The following LONRF1 variants were observed in gnomAD, a reference collection of about 807,000 sequenced individuals.
The protein encoded by LONRF1 is LON peptidase N-terminal domain and ring finger 1, also known as LON peptidase N-terminal domain and RING finger protein 1.
LONRF1 carries 37 observed loss-of-function variants against 85.8 expected under a neutral mutation model. The observed-to-expected ratio is 0.43, with a 90% CI of 0.33 to 0.57. LONRF1 has a LOEUF of 0.57. Among genes scored for constraint, LONRF1 ranks in the 20% least tolerant of loss-of-function variants. The pLI is 0.04. For synonymous variants in LONRF1, 517 were observed against 390.1 expected (o/e 1.33, Z -3.83); for missense variants, 1,036 against 978.0 (o/e 1.06, Z -0.79).
chr8:12,736,187 A>G (rs1396921983), intron 6 of LONRF1, among the ~76,000 whole-genome samples: 5 of 152,168 alleles, frequency 3.3e-5, no homozygotes, highest in African/African-American at 1.2e-4. Flanking sequence ...TACACAATTC[A>G]TGTAAATGAG....
chr8:12,751,296 G>GTTTTTTTTTTTTTTTTTTTTTTTTTTTTT (rs869038024), intron 1 of LONRF1, among the ~76,000 whole-genome samples: 3 of 69,556 alleles, frequency 4.3e-5, no homozygotes, highest in Non-Finnish European at 8.5e-5. Flanking sequence ...TTATTTTTAT[G>GTTTTTTTTTTTTTTTTTTTTTTTTTTTTT]TTTTTTTTTT....
intron 1 of LONRF1, among the ~76,000 whole-genome samples, chr8:12,744,787 C>CTT (rs1240321367): frequency 6.6e-6 from 1 of 152,194 alleles, no homozygotes; most frequent in African/African-American, 2.4e-5. Flanking sequence ...AGCTGGGGTG[C>CTT]TTCCAATAGC....
Position 12,751,304 on chromosome 8 carries a change from T to TTGTTTG in LONRF1, c.721+3395_721+3396insCAAACA, listed in dbSNP as rs1554469323. 8.3e-4 allele frequency among the ~76,000 whole-genome samples: 101 copies of TTGTTTG among 122,080 alleles called. 5 individuals are homozygous for TTGTTTG. The highest frequency in any genetic ancestry group is 4.9e-3 in the East Asian group (20 of 4,064). The allele number at this position is 122,080 out of a possible 152,430, so 80.1% of individuals were successfully genotyped here. On this transcript the variant is annotated intron_variant, in intron 1 of 11. Transcript: ENST00000398246. ...TATATTTTTATTTTTATGTTTTTTTTTTTTTTTTTTTTTTTTGAGACTGAG... is the reference window on the plus strand; with the variant it reads ...TATATTTTTATTTTTATGTTTTTTTTTGTTTGTTTTTTTTTTTTTTTTGAGACTGAG...
chr8:12,734,442 G>C (rs1218614820), intron 7 of LONRF1, among the ~76,000 whole-genome samples: 1 of 152,040 alleles, frequency 6.6e-6, no homozygotes, highest in African/African-American at 2.4e-5. Flanking sequence ...TCAATCACCA[G>C]AGACAGAATC....
chr8:12,750,190 G>T (rs1486503921), intron 1 of LONRF1, among the ~76,000 whole-genome samples: 1 of 152,182 alleles, frequency 6.6e-6, no homozygotes, highest in East Asian at 1.9e-4. Context: ...TCTCACATGA[G>T]TTTGTGTATG....
chr8:12,738,424 G>C (rs895621095), intron 3 of LONRF1, among the ~76,000 whole-genome samples: 3 of 152,070 alleles, frequency 2.0e-5, no homozygotes, highest in Non-Finnish European at 2.9e-5. Flanking sequence ...TCAACACAAA[G>C]ACTATAAAAA....
chr8:12,754,410 C>G (rs567173395), intron 1 of LONRF1: 2 of 278,352 alleles, frequency 7.2e-6, no homozygotes, highest in African/African-American at 4.4e-5. Context: ...CACTCCGCGC[C>G]GGGAGCGCGC....
chr8:12,751,304 T>TTTTGTTTG (rs1554469324), intron 1 of LONRF1, among the ~76,000 whole-genome samples: 6 of 122,100 alleles, frequency 4.9e-5, no homozygotes, highest in Non-Finnish European at 1.0e-4. Flanking sequence ...ATGTTTTTTT[T>TTTTGTTTG]TTTTTTTTTT....
In LONRF1 at chr8:12,755,345, G is replaced by A. The variant is rs1356959857; in HGVS notation, c.76C>T (p.Arg26Trp). Reference protein sequence around the residue: ...EMAPAPQGRGRFWEVGGGSGH... With the variant: ...EMAPAPQGRGWFWEVGGGSGH... ...CTGCCGCCGCCCACTTCCCAGAACC[G>A]GCCTCGGCCCTGCGGCGCTGGGGCC... The change falls in exon 1 of 12, where the codon CGG becomes TGG. Residue 26 changes from arginine (R) to tryptophan (W), a missense_variant. Physicochemically the swap from Arg to Trp is moderately radical, Grantham distance 101. Transcript: ENST00000398246. 3 of 1,238,914 alleles carry A rather than the reference G, an allele frequency of 2.4e-6. No homozygotes were observed. The Admixed American group carries it at 1.2e-4, about 50-fold the overall frequency. 76.7% of individuals were successfully genotyped at this position (1,238,914 alleles called of 1,614,324 possible). A position where few individuals can be genotyped will look rare whatever the true frequency, so the allele number is the denominator to read the frequency against.
chr8:12,724,485 T>G (rs1362670478), intron 11 of LONRF1, among the ~76,000 whole-genome samples: 1 of 152,168 alleles, frequency 6.6e-6, no homozygotes, highest in Non-Finnish European at 1.5e-5. Flanking sequence ...TCCCTGACCT[T>G]CACTCCCACA....
chr8:12,755,321 T>TGCCGCC lies in LONRF1; in HGVS notation c.94_99dup (p.Gly32_Gly33dup). ...GCCGCGCGCTCCAGCCGATGGCCGC[T>TGCCGCC]GCCGCCGCCCACTTCCCAGAACCGG... On this transcript the variant is annotated inframe_insertion, in exon 1 of 12. Transcript: ENST00000398246. The TGCCGCC allele has an allele frequency of 8.0e-7, 1 of 1,254,214 alleles. No homozygotes were observed. The highest frequency in any genetic ancestry group is 1.0e-6 in the Non-Finnish European group (1 of 994,942). 77.7% of individuals were successfully genotyped at this position (1,254,214 alleles called of 1,614,324 possible).
chr8:12,751,582 G>T (rs1799406717), intron 1 of LONRF1, among the ~76,000 whole-genome samples: 1 of 151,498 alleles, frequency 6.6e-6, no homozygotes, highest in Non-Finnish European at 1.5e-5. Context: ...TGGGATTACA[G>T]GTTTGAGCCA....
At chr8:12,731,211 C>T (rs945923346) in intron 8 of LONRF1, among the ~76,000 whole-genome samples, 2 of 152,148 alleles carry the variant, frequency 1.3e-5, no homozygotes, top group Admixed American at 6.5e-5. Context: ...CCGAGATTTT[C>T]ACCCTCCCGA....
chr8:12,728,685 A>C (rs1798412352), intron 10 of LONRF1, among the ~76,000 whole-genome samples: 1 of 152,254 alleles, frequency 6.6e-6, no homozygotes, highest in Admixed American at 6.5e-5. Flanking sequence ...CTGCAGAAAT[A>C]AAGAGAATCT....
rs149796103 is a variant in LONRF1 at position 12,739,273 on chromosome 8, T to C, written c.964-1129A>G. Among the ~76,000 whole-genome samples, 54 of 150,348 alleles carry C rather than the reference T, an allele frequency of 3.6e-4. No individual in the cohort carries two copies. The East Asian group carries it at 5.7e-3, about 16-fold the overall frequency. On this transcript the variant is annotated intron_variant, in intron 3 of 11. Transcript: ENST00000398246. ...TAACTGAAAACCACAAATTCCATTA[T>C]GTTCATATAATGGAATACTTTAAAA...
rs140063080 is a variant in LONRF1 at position 12,737,038 on chromosome 8, C to T, written c.1216G>A (p.Asp406Asn). Residue 406 changes from aspartate to asparagine, a missense_variant, in exon 5 of 12, where the codon GAC (aspartate) becomes AAC (asparagine). Around this residue, in one of 3 missense-constraint regions of LONRF1, gnomAD observed 742 missense variants for 614.4 expected, o/e 1.21. Transcript: ENST00000398246. ...TCTGAGGACACTCTTTTTAAACAGT[C>T]CTCTCTGGCAGGCATTTCTGTTGAA... ...INSTEMPARE[D>N]CLKRVSSEPV... 2 of 1,613,658 alleles carry T rather than the reference C, an allele frequency of 1.2e-6. No homozygotes were observed. Among genetic ancestry groups the T allele is most frequent in the African/African-American group, 1.3e-5 (1 of 75,000 alleles).
rs961959983 is a variant in LONRF1 at position 12,747,252 on chromosome 8, T to G, written c.722-3970A>C. 4.6e-5 allele frequency among the ~76,000 whole-genome samples: 7 copies of G among 152,334 alleles called. No individual in the cohort carries two copies. In the East Asian group the frequency reaches 1.3e-3, roughly 29 times the overall value. On this transcript the variant is annotated intron_variant, in intron 1 of 11. Coordinates refer to ENST00000398246, the MANE Select transcript of LONRF1 (RefSeq NM_152271.5). ...GTCTTCGGCTGTCCAAAGCATTTAT[T>G]TCATGGGTTGAAGAGAGAGTTTTCT...
intron 3 of LONRF1, among the ~76,000 whole-genome samples, chr8:12,738,355 A>C (rs1183640390): frequency 3.3e-5 from 5 of 152,198 alleles, no homozygotes; most frequent in Non-Finnish European, 7.4e-5. Context: ...CAAACAAATG[A>C]TTCAAAACTT....
Position 12,754,991 on chromosome 8 carries a change from G to C in LONRF1, c.430C>G (p.Arg144Gly). Residue 144 changes from arginine to glycine, a missense_variant, in exon 1 of 12, where the codon CGC becomes GGC. Arg to Gly is a moderately radical substitution (Grantham distance 125). This residue lies in a region of LONRF1 where 742 missense variants were observed against 614.4 expected (regional missense o/e 1.21). Coordinates refer to ENST00000398246, the MANE Select transcript of LONRF1 (RefSeq NM_152271.5). ...CGGAGTTCCCTCCGCAGGCAGCGGCGGCAGTAGCTGTGGCCACAGGGCACG... is the reference window on the plus strand; with the variant it reads ...CGGAGTTCCCTCCGCAGGCAGCGGCCGCAGTAGCTGTGGCCACAGGGCACG... ...VTVPCGHSYC[R>G]RCLRRELRAR... 2.7e-6 allele frequency: 4 copies of C among 1,491,806 alleles called. No homozygotes were observed. The highest frequency in any genetic ancestry group is 1.5e-5 in the African/African-American group (1 of 68,752). 92.4% of individuals were successfully genotyped at this position (1,491,806 alleles called of 1,614,324 possible).
Sources: allele counts gnomAD v4.1 joint callset (sites outside exome capture counted in the v4.1 genomes callset), GRCh38; gene constraint gnomAD v4.1.1; regional missense constraint gnomAD v4.1.1; transcripts MANE v1.5; gene names NCBI Gene and HGNC (gene_info 2026-07-23, HGNC 2026-07-21).